The following CNBD1 variants were observed in gnomAD, a reference collection of about 807,000 sequenced individuals.
The protein encoded by CNBD1 is cyclic nucleotide-binding domain-containing protein 1.
A neutral mutation model predicts 54.4 loss-of-function variants in CNBD1; 71 were observed. That is an observed-to-expected ratio of 1.30 (90% CI 1.08 to 1.59). The LOEUF is 1.59. Among genes scored for constraint, CNBD1 ranks in the 40% most tolerant of loss-of-function variants. CNBD1 has a pLI of 0.00. For missense variants in CNBD1, 659 were observed against 518.0 expected (o/e 1.27, Z -2.64); for synonymous variants, 182 against 170.7 (o/e 1.07, Z -0.51).
At chr8:87,169,123 T>G (rs1365488584) in intron 4 of CNBD1, among the ~76,000 whole-genome samples, 2 of 152,050 alleles carry the variant, frequency 1.3e-5, no homozygotes, top group African/African-American at 2.4e-5. Context: ...CCATTTTAAC[T>G]GGGGTGAGGT....
chr8:86,908,475 G>T lies in CNBD1; in HGVS notation c.272+3281G>T, dbSNP rs563510690. On this transcript the variant is annotated intron_variant, in intron 3 of 10. Coordinates refer to ENST00000518476, the MANE Select transcript of CNBD1 (RefSeq NM_173538.3). ...AAAGAAGTCTGTTAACTCACACTCA[G>T]GTTTTACTCAGAAAAGGGCAGACAA... 3.9e-5 allele frequency among the ~76,000 whole-genome samples: 6 copies of T among 152,236 alleles called. No homozygotes were observed. The South Asian group carries it at 1.0e-3, about 26-fold the overall frequency.
chr8:86,992,091 G>C (rs970963126), intron 4 of CNBD1, among the ~76,000 whole-genome samples: 3 of 152,044 alleles, frequency 2.0e-5, no homozygotes, highest in Non-Finnish European at 4.4e-5. Context: ...AGTGTTCTGT[G>C]TAACACTCAG....
chr8:87,414,420 C>A (rs1446677496), intron 2 of CNBD1, among the ~76,000 whole-genome samples: 1 of 151,850 alleles, frequency 6.6e-6, no homozygotes, highest in Non-Finnish European at 1.5e-5. Flanking sequence ...ATACCTAATG[C>A]TAAATGACAA....
Position 87,389,688 on chromosome 8 carries a change from A to G in CNBD1, c.213+35902A>G, listed in dbSNP as rs190829622. On this transcript the variant is annotated intron_variant, in intron 2 of 7. Transcript: ENST00000521593. ...ATGGCCATACTGCCCAAGGTAATTT[A>G]TAGATTCAATGCCATCCCCATCAAG... Among the ~76,000 whole-genome samples, 591 of 152,314 alleles carry G rather than the reference A, an allele frequency of 3.9e-3. 8 individuals carry two copies. The highest frequency in any genetic ancestry group is 0.013 in the African/African-American group (557 of 41,568).
intron 2 of CNBD1, among the ~76,000 whole-genome samples, chr8:87,397,418 C>T (rs1468159953): frequency 3.3e-5 from 5 of 151,786 alleles, no homozygotes; most frequent in Admixed American, 1.3e-4. Flanking sequence ...GAAATCAGTG[C>T]AAGACATGAT....
intron 4 of CNBD1, among the ~76,000 whole-genome samples, chr8:87,099,158 C>T (rs1811380701): frequency 6.6e-6 from 1 of 150,912 alleles, no homozygotes; most frequent in Non-Finnish European, 1.5e-5. Context: ...AGAATATCAG[C>T]GCTATTGTAG....
intron 4 of CNBD1, among the ~76,000 whole-genome samples, chr8:87,183,570 G>A (rs1263210014): frequency 6.6e-6 from 1 of 151,968 alleles, no homozygotes; most frequent in Non-Finnish European, 1.5e-5. Context: ...CATTGCTGGG[G>A]AGCTAATGTG....
chr8:87,308,008 G>A (rs1036420219), intron 8 of CNBD1, among the ~76,000 whole-genome samples: 47 of 151,906 alleles, frequency 3.1e-4, no homozygotes, highest in Admixed American at 6.6e-5. Context: ...CTTTGCATTA[G>A]CTTCCTTCTC....
intron 10 of CNBD1, among the ~76,000 whole-genome samples, chr8:87,370,002 T>A (rs1186514759): frequency 6.6e-6 from 1 of 152,034 alleles, no homozygotes; most frequent in Non-Finnish European, 1.5e-5. Context: ...CCTGCAATAG[T>A]TTACTGAGAA....
At chr8:87,380,762 T>C (rs1283916875) in intron 10 of CNBD1, among the ~76,000 whole-genome samples, 1 of 152,046 alleles carries the variant, frequency 6.6e-6, no homozygotes, top group Non-Finnish European at 1.5e-5. Context: ...AGTATTTTAT[T>C]GTTTTTTAGG....
At chr8:87,055,726 TTTTC>T (rs1410912817) in intron 4 of CNBD1, among the ~76,000 whole-genome samples, 3 of 151,630 alleles carry the variant, frequency 2.0e-5, no homozygotes, top group African/African-American at 7.3e-5. Context: ...CTTCCTTCTT[TTTTC>T]TTTCTTTTCT....
At position 87,338,460 on chromosome 8, in the gene CNBD1, TTTGTTG is replaced by T. The variant is rs556358906; in HGVS notation, c.1043-13210_1043-13205del. Among the ~76,000 whole-genome samples, 589 of 152,086 alleles carry T rather than the reference TTTGTTG, an allele frequency of 3.9e-3. 7 individuals are homozygous for T. Among genetic ancestry groups the T allele is most frequent in the African/African-American group, 0.013 (555 of 41,514 alleles). On this transcript the variant is annotated intron_variant, in intron 8 of 10. Transcript: ENST00000518476. ...GGTTACAGAATTCAAGGTTGGTGATTTTGTTGTTGTTGTTGTTGTTTTGTTTTGTTT... is the reference window on the plus strand; with the variant it reads ...GGTTACAGAATTCAAGGTTGGTGATTTTGTTGTTGTTGTTTTGTTTTGTTT...
chr8:87,157,078 T>C (rs912192593), intron 4 of CNBD1, among the ~76,000 whole-genome samples: 1 of 152,126 alleles, frequency 6.6e-6, no homozygotes, highest in African/African-American at 2.4e-5. Flanking sequence ...TCTGCATGCA[T>C]GAGTTTTAAT....
At chr8:87,312,809 A>C (rs2130892108) in intron 8 of CNBD1, among the ~76,000 whole-genome samples, 1 of 152,170 alleles carries the variant, frequency 6.6e-6, no homozygotes, top group South Asian at 2.1e-4. Context: ...ATATTGGGTC[A>C]GTACAGGGCA....
intron 5 of CNBD1, among the ~76,000 whole-genome samples, chr8:87,231,529 C>A (rs1807429532): frequency 6.6e-6 from 1 of 152,232 alleles, no homozygotes; most frequent in East Asian, 1.9e-4. Flanking sequence ...ATCACAGTGC[C>A]TGACTCATAG....
chr8:87,239,776 G>A (rs1563519987), intron 6 of CNBD1, among the ~76,000 whole-genome samples: 1 of 151,796 alleles, frequency 6.6e-6, no homozygotes. Context: ...CACCCTGGAC[G>A]AAAAATAAGT....
chr8:87,393,296 G>A (rs1031783657), intron 2 of CNBD1, among the ~76,000 whole-genome samples: 10 of 151,852 alleles, frequency 6.6e-5, no homozygotes, highest in Non-Finnish European at 1.3e-4. Context: ...ACTAGGTAAT[G>A]TTTCTTGCTC....
chr8:87,198,998 G>A (rs564992655), intron 4 of CNBD1, among the ~76,000 whole-genome samples: 1 of 152,272 alleles, frequency 6.6e-6, no homozygotes, highest in Admixed American at 6.5e-5. Flanking sequence ...GTGAAAGCAG[G>A]AGCAAGCGAA....
chr8:87,350,803 C>T (rs1006380653), intron 8 of CNBD1, among the ~76,000 whole-genome samples: 1 of 151,716 alleles, frequency 6.6e-6, no homozygotes, highest in African/African-American at 2.4e-5. Context: ...TTTTGAAATA[C>T]TAATTTTAAT....
Sources: allele counts gnomAD v4.1 joint callset (sites outside exome capture counted in the v4.1 genomes callset), GRCh38; gene constraint gnomAD v4.1.1; transcripts MANE v1.5; gene names NCBI Gene and HGNC (gene_info 2026-07-23, HGNC 2026-07-21).